The following DEXI variants were observed in gnomAD, a reference collection of about 807,000 sequenced individuals.
DEXI encodes the protein Dexi homolog.
In DEXI, 2 loss-of-function variants were observed where a neutral mutation model predicts 2.5. The observed-to-expected ratio is 0.81, with a 90% CI of 0.33 to 2.55. DEXI has a LOEUF of 2.55. DEXI is among the 30% of genes most tolerant of loss of function. The pLI, the probability that DEXI is intolerant of heterozygous loss-of-function variation, is 0.11. For missense variants in DEXI, 108 were observed against 130.3 expected (o/e 0.83, Z 0.83); for synonymous variants, 71 against 68.7 (o/e 1.03, Z -0.17).
At position 10,941,708 on chromosome 16, in the gene DEXI, A is replaced by T. The variant is rs558374201; in HGVS notation, c.*10T>A. Reference sequence around the variant, plus strand: ...ATCGTGTAGGGAAGAGGGGAACAGCAGTCGAGACCCTACTCCAAGTACGCA... The same window carrying T: ...ATCGTGTAGGGAAGAGGGGAACAGCTGTCGAGACCCTACTCCAAGTACGCA... On this transcript the variant is annotated 3_prime_UTR_variant, in exon 1 of 2. Transcript: ENST00000331808. The surrounding 1 kb of genome is among the most constrained non-coding windows in gnomAD (Gnocchi z 6.4). 3 of 1,598,152 alleles carry T rather than the reference A, an allele frequency of 1.9e-6. No individual in the cohort carries two copies. The highest frequency in any genetic ancestry group is 4.5e-5 in the East Asian group (2 of 44,212).
intron 1 of DEXI, chr16:10,935,575 A>G (rs1473510551): frequency 6.6e-6 from 1 of 152,246 alleles, no homozygotes; most frequent in South Asian, 2.1e-4. Flanking sequence ...AGTGCATTTC[A>G]TCTTAAACTG....
Position 10,941,544 on chromosome 16 carries a change from C to T in DEXI, c.*149+25G>A. The T allele has an allele frequency of 7.0e-7, 1 of 1,434,074 alleles. No homozygotes were observed. The highest frequency in any genetic ancestry group is 1.5e-5 in the South Asian group (1 of 65,530). The allele number at this position is 1,434,074 out of a possible 1,614,324, so 88.8% of individuals were successfully genotyped here. A position where few individuals can be genotyped will look rare whatever the true frequency, so the allele number is the denominator to read the frequency against. On this transcript the variant is annotated intron_variant, in intron 1 of 1. Transcript: ENST00000331808. The surrounding 1 kb of genome is among the most constrained non-coding windows in gnomAD (Gnocchi z 6.4). ...CCTTGCTAGCGCCCCAACCCGCCCT[C>T]ATCCTGTTCAGAGAGGGCACTTACA... is the stretch of plus-strand genomic sequence containing the variant.
chr16:10,934,757 C>T lies in DEXI; in HGVS notation c.*150-5198G>A, dbSNP rs996933881. The stretch of plus-strand genomic sequence containing the variant: ...CCAAGCCCCTTGCCAGGAGGGACTC[C>T]CAGAAATGAAGCCTTACCCTTGAGG... On this transcript the variant is annotated intron_variant, in intron 1 of 1. Transcript: ENST00000331808. This position sits in a 1 kb window ranked among gnomAD's most constrained non-coding sequence, Gnocchi z 4.2. 2.6e-5 allele frequency: 4 copies of T among 152,164 alleles called. No individual in the cohort carries two copies. The highest frequency in any genetic ancestry group is 9.7e-5 in the African/African-American group (4 of 41,428). The allele number at this position is 152,164 out of a possible 1,614,324, so 9.4% of individuals were successfully genotyped here.
At chr16:10,930,287 T>TG (rs1454531094) in intron 1 of DEXI, 1 of 152,276 alleles carries the variant, frequency 6.6e-6, no homozygotes, top group African/African-American at 2.4e-5. Context: ...GTTAAACATG[T>TG]GACATGTATT....
In DEXI at chr16:10,940,012, A is replaced by C. The variant is rs1441388841; in HGVS notation, c.*149+1557T>G. 4 of 152,218 alleles carry C rather than the reference A, an allele frequency of 2.6e-5. No homozygotes were observed. The highest frequency in any genetic ancestry group is 5.9e-5 in the Non-Finnish European group (4 of 68,056). The allele number at this position is 152,218 out of a possible 1,614,324, so 9.4% of individuals were successfully genotyped here. A position where few individuals can be genotyped will look rare whatever the true frequency, so the allele number is the denominator to read the frequency against. On this transcript the variant is annotated intron_variant, in intron 1 of 1. Coordinates refer to ENST00000331808, the MANE Select transcript of DEXI (RefSeq NM_014015.4). This position sits in a 1 kb window ranked among gnomAD's most constrained non-coding sequence, Gnocchi z 4.2. ...TGGGGAGGTGTGCAGAGCACCTGGCACACACTCCCCCTGGCACTTGGTTCT... is the reference window on the plus strand; with the variant it reads ...TGGGGAGGTGTGCAGAGCACCTGGCCCACACTCCCCCTGGCACTTGGTTCT...
rs1472738376 is a variant in DEXI at position 10,941,310 on chromosome 16, AAGTCAC to A, written c.*149+253_*149+258del. The A allele has an allele frequency of 5.9e-6, 1 of 169,038 alleles. No homozygotes were observed. The highest frequency in any genetic ancestry group is 2.4e-5 in the African/African-American group (1 of 41,844). The allele number at this position is 169,038 out of a possible 1,614,324, so 10.5% of individuals were successfully genotyped here. On this transcript the variant is annotated intron_variant, in intron 1 of 1. Transcript: ENST00000331808. This position sits in a 1 kb window ranked among gnomAD's most constrained non-coding sequence, Gnocchi z 6.4. ...GGCTTTTTCCATAAGCTTTGGGGGT[AAGTCAC>A]AGAGCTACCCCAAATGTAACTTAGT...
intron 1 of DEXI, chr16:10,932,673 A>C (rs1438190595): frequency 6.8e-6 from 1 of 147,472 alleles, no homozygotes; most frequent in East Asian, 2.0e-4. Context: ...ACACAAAAAA[A>C]CACAAACCAA....
chr16:10,932,789 G>A (rs1362268270), intron 1 of DEXI: 1 of 149,604 alleles, frequency 6.7e-6, no homozygotes, highest in Non-Finnish European at 1.5e-5. Flanking sequence ...CCAGGTTCAA[G>A]CAATTCTCAT....
At chr16:10,935,777 G>A (rs1177194061) in intron 1 of DEXI, 1 of 152,170 alleles carries the variant, frequency 6.6e-6, no homozygotes, top group East Asian at 1.9e-4. Flanking sequence ...CTAATCTCGA[G>A]TATAACCATC....
Position 10,935,383 on chromosome 16 carries a change from A to C in DEXI, c.*150-5824T>G, listed in dbSNP as rs549511800. On this transcript the variant is annotated intron_variant, in intron 1 of 1. Coordinates refer to ENST00000331808, the MANE Select transcript of DEXI (RefSeq NM_014015.4). ...CGACAGTTGTTAATCTCTTTTTAAC[A>C]AAGAATACAGGCCAAGGCCCTGTGA... 5 of 152,378 alleles carry C rather than the reference A, an allele frequency of 3.3e-5. No individual in the cohort carries two copies. The South Asian group carries it at 6.2e-4, about 19-fold the overall frequency. The allele number at this position is 152,378 out of a possible 1,614,324, so 9.4% of individuals were successfully genotyped here. A position where few individuals can be genotyped will look rare whatever the true frequency, so the allele number is the denominator to read the frequency against.
rs544196645 is a variant in DEXI, at chr16:10,937,998, T to C, written c.*149+3571A>G. On this transcript the variant is annotated intron_variant, in intron 1 of 1. Coordinates refer to ENST00000331808, the MANE Select transcript of DEXI (RefSeq NM_014015.4). This position sits in a 1 kb window ranked among gnomAD's most constrained non-coding sequence, Gnocchi z 4.2. ...AGCCTGTCCTCTTCTGCTCACAGGA[T>C]ATAAATATTCATGCATGAGTATAGG... is the stretch of plus-strand genomic sequence containing the variant. The C allele has an allele frequency of 6.6e-6, 1 of 152,354 alleles. No homozygotes were observed. The highest frequency in any genetic ancestry group is 1.9e-4 in the East Asian group (1 of 5,188). The allele number at this position is 152,354 out of a possible 1,614,324, so 9.4% of individuals were successfully genotyped here. A position where few individuals can be genotyped will look rare whatever the true frequency, so the allele number is the denominator to read the frequency against.
In DEXI at chr16:10,942,425, G is replaced by A; in HGVS notation, c.-420C>T. ...CACCCCCCGCGCCCCCGCAGGCCCAGCACCCATGGCTGCGGCCGCCGCGTA... is the reference window on the plus strand; with the variant it reads ...CACCCCCCGCGCCCCCGCAGGCCCAACACCCATGGCTGCGGCCGCCGCGTA... On this transcript the variant is annotated 5_prime_UTR_variant, in exon 1 of 2. Transcript: ENST00000331808. The surrounding 1 kb of genome is among the most constrained non-coding windows in gnomAD (Gnocchi z 5.0). The A allele has an allele frequency of 6.4e-6, 1 of 156,808 alleles. No individual in the cohort carries two copies. The highest frequency in any genetic ancestry group is 1.4e-5 in the Non-Finnish European group (1 of 71,222). 9.7% of individuals were successfully genotyped at this position (156,808 alleles called of 1,614,324 possible).
rs2145391197 is a variant in DEXI at position 10,934,686 on chromosome 16, G to A, written c.*150-5127C>T. 1 of 152,320 alleles carries A rather than the reference G, an allele frequency of 6.6e-6. No individual in the cohort carries two copies. Among genetic ancestry groups the A allele is most frequent in the East Asian group, 1.9e-4 (1 of 5,196 alleles). 9.4% of individuals were successfully genotyped at this position (152,320 alleles called of 1,614,324 possible). A position where few individuals can be genotyped will look rare whatever the true frequency, so the allele number is the denominator to read the frequency against. ...GCGGCTTCACAGGGTGATGCTTGGG[G>A]CAGGTGATGGAGATGTGGGAGAGGC... is the stretch of plus-strand genomic sequence containing the variant. On this transcript the variant is annotated intron_variant, in intron 1 of 1. Coordinates refer to ENST00000331808, the MANE Select transcript of DEXI (RefSeq NM_014015.4). The surrounding 1 kb of genome is among the most constrained non-coding windows in gnomAD (Gnocchi z 4.2).
At position 10,938,785 on chromosome 16, in the gene DEXI, G is replaced by A. The variant is rs544550679; in HGVS notation, c.*149+2784C>T. The A allele has an allele frequency of 2.0e-5, 3 of 152,298 alleles. No individual in the cohort carries two copies. The highest frequency in any genetic ancestry group is 7.2e-5 in the African/African-American group (3 of 41,562). 9.4% of individuals were successfully genotyped at this position (152,298 alleles called of 1,614,324 possible). A position where few individuals can be genotyped will look rare whatever the true frequency, so the allele number is the denominator to read the frequency against. On this transcript the variant is annotated intron_variant, in intron 1 of 1. Coordinates refer to ENST00000331808, the MANE Select transcript of DEXI (RefSeq NM_014015.4). This position sits in a 1 kb window ranked among gnomAD's most constrained non-coding sequence, Gnocchi z 4.9. ...TCCCAGGGTCAGGCCCTGACACCCC[G>A]AGAGCTTTGCAAGGGTGTCCCTGAG...
At chr16:10,935,718 A>G (rs1028226943) in intron 1 of DEXI, 2 of 152,236 alleles carry the variant, frequency 1.3e-5, no homozygotes. Flanking sequence ...TGCACTGAAG[A>G]CACACACTCA....
Position 10,929,125 on chromosome 16 carries a change from A to G in DEXI, c.*584T>C. 2 of 810,604 alleles carry G rather than the reference A, an allele frequency of 2.5e-6. No homozygotes were observed. The highest frequency in any genetic ancestry group is 3.0e-6 in the Non-Finnish European group (2 of 670,466). The allele number at this position is 810,604 out of a possible 1,614,324, so 50.2% of individuals were successfully genotyped here. A position where few individuals can be genotyped will look rare whatever the true frequency, so the allele number is the denominator to read the frequency against. ...CCCTCAGCCCCCCAACAGCTTCCTC[A>G]GCTTCTTTTTCTTCTGAGTCACCCC... is the stretch of plus-strand genomic sequence containing the variant. On this transcript the variant is annotated 3_prime_UTR_variant, in exon 2 of 2. Coordinates refer to ENST00000331808, the MANE Select transcript of DEXI (RefSeq NM_014015.4). The surrounding 1 kb of genome is among the most constrained non-coding windows in gnomAD (Gnocchi z 4.3).
rs1596639419 is a variant in DEXI, at chr16:10,929,333, G to T, written c.*376C>A. The T allele has an allele frequency of 1.0e-6, 1 of 985,938 alleles. No homozygotes were observed. The highest frequency in any genetic ancestry group is 1.1e-4 in the East Asian group (1 of 8,826). 61.1% of individuals were successfully genotyped at this position (985,938 alleles called of 1,614,324 possible). A position where few individuals can be genotyped will look rare whatever the true frequency, so the allele number is the denominator to read the frequency against. On this transcript the variant is annotated 3_prime_UTR_variant, in exon 2 of 2. Transcript: ENST00000331808. This position sits in a 1 kb window ranked among gnomAD's most constrained non-coding sequence, Gnocchi z 4.3. ...ATGAAGTGCAGGGAGGCAAACTCTGGCTGGGTTCCTGTAAACATCCATCGC... is the reference window on the plus strand; with the variant it reads ...ATGAAGTGCAGGGAGGCAAACTCTGTCTGGGTTCCTGTAAACATCCATCGC...
chr16:10,936,325 C>T (rs1262442912), intron 1 of DEXI: 12 of 152,134 alleles, frequency 7.9e-5, no homozygotes. Context: ...CTGATTTTGA[C>T]AACCCTACTG....
In DEXI at chr16:10,938,541, G is replaced by A. The variant is rs1047095003; in HGVS notation, c.*149+3028C>T. ...CTGAGAAAGAGCAGGACTGACTACC[G>A]GCGTTCCCCTGCTTATGGAAAGGGG... On this transcript the variant is annotated intron_variant, in intron 1 of 1. Transcript: ENST00000331808. This position sits in a 1 kb window ranked among gnomAD's most constrained non-coding sequence, Gnocchi z 4.9. 4 of 152,288 alleles carry A rather than the reference G, an allele frequency of 2.6e-5. No individual in the cohort carries two copies. The highest frequency in any genetic ancestry group is 2.1e-4 in the South Asian group (1 of 4,820). The allele number at this position is 152,288 out of a possible 1,614,324, so 9.4% of individuals were successfully genotyped here.
Sources: gnomAD v4.1 joint callset for allele counts on GRCh38, gnomAD v4.1.1 for gene constraint, Gnocchi (gnomAD v3.1) non-coding constraint, MANE v1.5 for transcripts, NCBI Gene and HGNC (gene_info 2026-07-23, HGNC 2026-07-21) for gene names.